The following STARD8 variants were observed in gnomAD, a reference collection of about 807,000 sequenced individuals.
STARD8 encodes StAR related lipid transfer domain containing 8, also known as stAR-related lipid transfer protein 8.
Under a neutral mutation model 69.4 loss-of-function variants are expected in STARD8, and 25 were observed. The observed-to-expected ratio is 0.36, with a 90% CI of 0.26 to 0.50. STARD8 has a LOEUF of 0.50. Among genes scored for constraint, STARD8 ranks in the 20% least tolerant of loss-of-function variants. The probability of loss-of-function intolerance (pLI) is 0.96; values close to 1 mark genes in which losing one functional copy is unlikely to be tolerated. For synonymous variants in STARD8, 389 were observed against 374.6 expected (o/e 1.04, Z -0.45); for missense variants, 921 against 932.5 (o/e 0.99, Z 0.16).
At chrX:68,680,690 C>A (rs1284434696) in intron 2 of STARD8, among the ~76,000 whole-genome samples, 1 of 111,244 alleles carries the variant, frequency 9.0e-6, no homozygotes, top group African/African-American at 3.3e-5. Context: ...GGGGCTTATG[C>A]AAGCTCTGAC....
intron 2 of STARD8, among the ~76,000 whole-genome samples, chrX:68,686,300 A>T (rs1274021243): frequency 8.9e-6 from 1 of 112,127 alleles, no homozygotes; most frequent in Non-Finnish European, 1.9e-5. Context: ...CACAGCCATC[A>T]TCCGCTCAGC....
intron 2 of STARD8, among the ~76,000 whole-genome samples, chrX:68,668,094 TTTCTTTC>T (rs1406420627): frequency 1.2e-4 from 12 of 98,762 alleles, no homozygotes; most frequent in Non-Finnish European, 2.0e-4. Context: ...TCTTTCTTTC[TTTCTTTC>T]TTTCTTTCTT....
At chrX:68,707,653 C>T (rs775764329) in intron 2 of STARD8, among the ~76,000 whole-genome samples, 1 of 111,588 alleles carries the variant, frequency 9.0e-6, no homozygotes, top group African/African-American at 3.3e-5. Context: ...AGGAATGGGA[C>T]GGGACACCCA....
chrX:68,666,224 G>A (rs758002636), intron 2 of STARD8, among the ~76,000 whole-genome samples: 13 of 111,765 alleles, frequency 1.2e-4, no homozygotes, highest in Non-Finnish European at 2.4e-4. Context: ...CTACTGGCCA[G>A]GGAAGAGTTT....
At chrX:68,652,099 CA>C (rs1303712857) in intron 1 of STARD8, among the ~76,000 whole-genome samples, 1 of 108,328 alleles carries the variant, frequency 9.2e-6, no homozygotes, top group Non-Finnish European at 1.9e-5. Flanking sequence ...CCTAAGTGAT[CA>C]GCCCGCCTTG....
At position 68,721,166 on chromosome X, in the gene STARD8, A is replaced by G. The variant is rs534581490; in HGVS notation, c.2248+44A>G. The G allele has an allele frequency of 3.2e-5, 37 of 1,170,555 alleles. No homozygotes were observed. In the South Asian group the frequency reaches 6.6e-4, roughly 21 times the overall value. On this transcript the variant is annotated intron_variant, in intron 9 of 14. Transcript: ENST00000374599. ...TCCCCAACAACCTGTCCCATTCTCA[A>G]CCTCCCTGAATCCCAGAACTTGTGG...
intron 1 of STARD8, among the ~76,000 whole-genome samples, chrX:68,658,237 A>G (rs1466048049): frequency 8.9e-6 from 1 of 112,373 alleles, no homozygotes; most frequent in African/African-American, 3.2e-5. Context: ...TCACCATCAC[A>G]ATAATCCTGC....
At chrX:68,660,984 A>G (rs1236247970) in intron 1 of STARD8, among the ~76,000 whole-genome samples, 1 of 112,034 alleles carries the variant, frequency 8.9e-6, no homozygotes, top group Admixed American at 9.4e-5. Context: ...TGGAATGTGA[A>G]GAACGTGCTC....
chrX:68,707,285 C>T (rs1015088416), intron 2 of STARD8, among the ~76,000 whole-genome samples: 1 of 112,124 alleles, frequency 8.9e-6, no homozygotes, highest in African/African-American at 3.2e-5. Context: ...TCACAAACAC[C>T]GACTGCCTGC....
chrX:68,713,360 AT>A lies in STARD8; in HGVS notation c.151+378del, dbSNP rs1480363358. On this transcript the variant is annotated intron_variant, in intron 3 of 14. Transcript: ENST00000374599. ...TCACTTGCCCCACAGTGATGGCCTCATTTCTCTGTTTTCCTTCATTTCTCTT... is the reference window on the plus strand; with the variant it reads ...TCACTTGCCCCACAGTGATGGCCTCATTCTCTGTTTTCCTTCATTTCTCTT... 1.8e-5 allele frequency among the ~76,000 whole-genome samples: 2 copies of A among 111,781 alleles called. 1 individual carries two copies. Among genetic ancestry groups the A allele is most frequent in the Non-Finnish European group, 3.8e-5 (2 of 53,127 alleles).
chrX:68,670,483 G>A (rs1379355508), intron 2 of STARD8, among the ~76,000 whole-genome samples: 2 of 111,327 alleles, frequency 1.8e-5, no homozygotes, highest in Non-Finnish European at 3.8e-5. Context: ...GGGCTGGGAA[G>A]CCCAGGTTCT....
chrX:68,719,053 T>G (rs1363972704), intron 6 of STARD8, among the ~76,000 whole-genome samples, 172 bp from the exon 7 acceptor site: 1 of 111,112 alleles, frequency 9.0e-6, no homozygotes, highest in Non-Finnish European at 1.9e-5. Flanking sequence ...CCTAAGAAGC[T>G]GAGTCCAAGC....
intron 2 of STARD8, among the ~76,000 whole-genome samples, chrX:68,669,653 T>C (rs1432048952): frequency 8.9e-6 from 1 of 111,957 alleles, no homozygotes; most frequent in Admixed American, 9.4e-5. Context: ...ATAGTTTGCC[T>C]GTAACAAGAG....
At chrX:68,682,787 T>C (rs956479818) in intron 2 of STARD8, among the ~76,000 whole-genome samples, 1 of 112,369 alleles carries the variant, frequency 8.9e-6, no homozygotes, top group African/African-American at 3.2e-5. Context: ...TGTAACACAT[T>C]TGGTGGGTTA....
chrX:68,669,399 C>G (rs190041503), intron 2 of STARD8, among the ~76,000 whole-genome samples: 102 of 111,795 alleles, frequency 9.1e-4, no homozygotes, highest in Non-Finnish European at 1.6e-3. Context: ...TCTAAGGTAT[C>G]TTGCTGTTCT....
chrX:68,686,741 T>C (rs1602570522), intron 2 of STARD8, among the ~76,000 whole-genome samples: 1 of 112,650 alleles, frequency 8.9e-6, no homozygotes, highest in Non-Finnish European at 1.9e-5. Flanking sequence ...GTGCCCCCTT[T>C]TGAGGCTTTC....
chrX:68,655,234 G>C (rs773902788), intron 1 of STARD8, among the ~76,000 whole-genome samples: 1 of 112,220 alleles, frequency 8.9e-6, no homozygotes, highest in African/African-American at 3.2e-5. Flanking sequence ...GTGTGTGTGT[G>C]TGTCTGTCTG....
chrX:68,673,339 T>C (rs1415079798), intron 2 of STARD8, among the ~76,000 whole-genome samples: 2 of 112,366 alleles, frequency 1.8e-5, no homozygotes, highest in Non-Finnish European at 3.8e-5. Flanking sequence ...TACATGCTTT[T>C]TGTTTTAAGA....
chrX:68,662,460 T>A, intron 1 of STARD8, among the ~76,000 whole-genome samples: 1 of 111,854 alleles, frequency 8.9e-6, no homozygotes, highest in East Asian at 2.8e-4. Context: ...TCTCAAGTTC[T>A]TAAGATGACC....
Sources: allele counts gnomAD v4.1 joint callset (sites outside exome capture counted in the v4.1 genomes callset), GRCh38; gene constraint gnomAD v4.1.1; transcripts MANE v1.5; gene names NCBI Gene and HGNC (gene_info 2026-07-23, HGNC 2026-07-21).